The following CRPPA variants were observed in gnomAD, a reference collection of about 807,000 sequenced individuals.
CRPPA encodes CDP-L-ribitol pyrophosphorylase A.
CRPPA carries 43 observed loss-of-function variants against 52.0 expected under a neutral mutation model. That is an observed-to-expected ratio of 0.83 (90% CI 0.65 to 1.07). CRPPA has a LOEUF of 1.07. Ranked by LOEUF, CRPPA falls within the 50% of genes least tolerant of loss-of-function variation. CRPPA has a pLI of 0.00. For missense variants in CRPPA, 629 were observed against 551.7 expected (o/e 1.14, Z -1.40); for synonymous variants, 250 against 203.5 (o/e 1.23, Z -1.94).
intron 8 of CRPPA, among the ~76,000 whole-genome samples, chr7:16,216,916 G>C (rs1460789161): frequency 6.6e-6 from 1 of 151,940 alleles, no homozygotes; most frequent in Non-Finnish European, 1.5e-5. Context: ...CAGCCGGGAA[G>C]CTCCAACTGG....
chr7:16,389,112 A>G (rs1186601574), intron 2 of CRPPA, among the ~76,000 whole-genome samples: 1 of 152,202 alleles, frequency 6.6e-6, no homozygotes, highest in African/African-American at 2.4e-5. Context: ...TTGAATTAGT[A>G]ATTTAGAAAT....
intron 3 of CRPPA, among the ~76,000 whole-genome samples, chr7:16,322,215 G>A (rs1785280652): frequency 6.6e-6 from 1 of 152,096 alleles, no homozygotes; most frequent in Non-Finnish European, 1.5e-5. Flanking sequence ...CTGGCACCAG[G>A]AGGCAAAGAA....
chr7:16,111,578 G>T (rs1431645305), intron 9 of CRPPA, among the ~76,000 whole-genome samples: 1 of 152,160 alleles, frequency 6.6e-6, no homozygotes, highest in Non-Finnish European at 1.5e-5. Context: ...ATACAGAACA[G>T]AATACTATCA....
intron 3 of CRPPA, among the ~76,000 whole-genome samples, chr7:16,361,559 C>T (rs754216700): frequency 6.6e-6 from 1 of 152,086 alleles, no homozygotes; most frequent in Non-Finnish European, 1.5e-5. Context: ...GACACATGTT[C>T]CAACACAGAT....
intron 6 of CRPPA, among the ~76,000 whole-genome samples, chr7:16,265,101 A>G (rs1783918677): frequency 6.6e-6 from 1 of 152,198 alleles, no homozygotes. Flanking sequence ...CAATCCTGGT[A>G]GAGTTGTAAG....
rs374071900 is a variant in CRPPA, at chr7:16,342,655, C to A, written c.684+33437G>T. On this transcript the variant is annotated intron_variant, in intron 3 of 9. Transcript: ENST00000407010. ...CAAGGCCGGGCACAGTGGATCACAC[C>A]AGTAATGCCAGCATTTTGGGAGGCT... 8.0e-5 allele frequency among the ~76,000 whole-genome samples: 12 copies of A among 149,230 alleles called. No homozygotes were observed. In the East Asian group the frequency reaches 2.4e-3, roughly 30 times the overall value.
intron 1 of CRPPA, among the ~76,000 whole-genome samples, chr7:16,418,934 T>C (rs1163795166): frequency 6.6e-6 from 1 of 152,126 alleles, no homozygotes; most frequent in Non-Finnish European, 1.5e-5. Context: ...AGTGTAAAAG[T>C]GACTATAATC....
intron 9 of CRPPA, among the ~76,000 whole-genome samples, chr7:16,105,605 T>G (rs1782135524): frequency 1.3e-5 from 2 of 152,178 alleles, no homozygotes; most frequent in Non-Finnish European, 2.9e-5. Context: ...GTGGTACCTC[T>G]GTGTTCCTAC....
At chr7:16,237,007 A>G (rs1782971412) in intron 8 of CRPPA, among the ~76,000 whole-genome samples, 1 of 152,020 alleles carries the variant, frequency 6.6e-6, no homozygotes, top group African/African-American at 2.4e-5. Context: ...TTTTAATTAT[A>G]CTTTGCCAAA....
At chr7:16,249,934 G>A (rs554443216) in intron 8 of CRPPA, among the ~76,000 whole-genome samples, 67 of 152,234 alleles carry the variant, frequency 4.4e-4, no homozygotes, top group Non-Finnish European at 5.9e-5. Flanking sequence ...AAACTCCTCC[G>A]AGCTAAGGGA....
At chr7:16,297,271 T>C (rs986333337) in intron 5 of CRPPA, among the ~76,000 whole-genome samples, 2 of 152,166 alleles carry the variant, frequency 1.3e-5, no homozygotes, top group Admixed American at 6.6e-5. Context: ...AGATAACATA[T>C]AAGGCACCTA....
At chr7:16,163,385 A>C (rs558436965) in intron 9 of CRPPA, among the ~76,000 whole-genome samples, 56 of 148,456 alleles carry the variant, frequency 3.8e-4, no homozygotes, top group Admixed American at 8.7e-4. Context: ...TTCCTCCATC[A>C]CTTTATTTTG....
At chr7:16,416,545 T>G (rs1788197761) in intron 1 of CRPPA, among the ~76,000 whole-genome samples, 1 of 152,136 alleles carries the variant, frequency 6.6e-6, no homozygotes, top group Non-Finnish European at 1.5e-5. Context: ...AAACAGCTTC[T>G]GCACAGCAGC....
At chr7:16,402,024 G>A (rs1787828178) in intron 2 of CRPPA, among the ~76,000 whole-genome samples, 2 of 152,186 alleles carry the variant, frequency 1.3e-5, no homozygotes, top group South Asian at 4.1e-4. Context: ...TTTAACAGAT[G>A]AGGAAGAATG....
intron 6 of CRPPA, chr7:16,270,734 T>C (rs919119665): frequency 6.6e-5 from 10 of 152,180 alleles, no homozygotes; most frequent in Admixed American, 3.9e-4. Context: ...TGTTATTAAC[T>C]ATACAGTATT....
At chr7:16,368,144 T>A (rs1056732851) in intron 3 of CRPPA, among the ~76,000 whole-genome samples, 1 of 152,220 alleles carries the variant, frequency 6.6e-6, no homozygotes, top group East Asian at 1.9e-4. Flanking sequence ...CTTCTTTGTA[T>A]AATAATTTAT....
Position 16,133,271 on chromosome 7 carries a change from C to T in CRPPA, c.1252-41472G>A, listed in dbSNP as rs1028427151. On this transcript the variant is annotated intron_variant, in intron 9 of 9. Coordinates refer to ENST00000407010, the MANE Select transcript of CRPPA (RefSeq NM_001101426.4). Reference sequence around the variant, plus strand: ...GGTGGAGGTTGCAGTGAGCTGAAATCACACCACTGCACTCAACCCTGGGTG... The same window carrying T: ...GGTGGAGGTTGCAGTGAGCTGAAATTACACCACTGCACTCAACCCTGGGTG... Among the ~76,000 whole-genome samples the T allele has an allele frequency of 7.4e-5, 9 of 121,236 alleles. 2 individuals are homozygous for T. The highest frequency in any genetic ancestry group is 2.4e-4 in the African/African-American group (9 of 37,580). 79.5% of individuals were successfully genotyped at this position (121,236 alleles called of 152,430 possible).
At chr7:16,180,036 TAGAACTC>T (rs1781379325) in intron 9 of CRPPA, among the ~76,000 whole-genome samples, 1 of 152,154 alleles carries the variant, frequency 6.6e-6, no homozygotes, top group Non-Finnish European at 1.5e-5. Context: ...CTAGGTTTGT[TAGAACTC>T]TATAAGTCAC....
Position 16,364,861 on chromosome 7 carries a change from C to T in CRPPA, c.684+11231G>A, listed in dbSNP as rs149441263. Among the ~76,000 whole-genome samples, 577 of 152,188 alleles carry T rather than the reference C, an allele frequency of 3.8e-3. 3 individuals carry two copies. Among genetic ancestry groups the T allele is most frequent in the African/African-American group, 0.013 (558 of 41,524 alleles). On this transcript the variant is annotated intron_variant, in intron 3 of 9. Transcript: ENST00000407010. ...ATGTTGAACAACAACCTGTTGTTGA[C>T]GTGTCTCCCAGACTGTGAGAGACAT...
Sources: allele counts gnomAD v4.1 joint callset (sites outside exome capture counted in the v4.1 genomes callset), GRCh38; gene constraint gnomAD v4.1.1; transcripts MANE v1.5; gene names NCBI Gene and HGNC (gene_info 2026-07-23, HGNC 2026-07-21).